CCDC88C: variants seen among roughly 807,000 people sequenced by gnomAD.
CCDC88C encodes the protein coiled-coil and HOOK domain protein 88C, also known as protein Daple.
CCDC88C carries 131 observed loss-of-function variants against 198.8 expected under a neutral mutation model. The observed-to-expected ratio is 0.66, with a 90% CI of 0.57 to 0.76. CCDC88C has a LOEUF of 0.76. Ranked by LOEUF, CCDC88C falls within the 30% of genes least tolerant of loss-of-function variation. CCDC88C has a pLI of 0.00. For missense variants in CCDC88C, 2,553 were observed against 2,631.6 expected (o/e 0.97, Z 0.65); for synonymous variants, 1,166 against 1,114.7 (o/e 1.05, Z -0.92).
chr14:91,278,569 C>T (rs1036430680), intron 28 of CCDC88C, among the ~76,000 whole-genome samples: 2 of 152,208 alleles, frequency 1.3e-5, no homozygotes, highest in Non-Finnish European at 2.9e-5. Context: ...AGAAAGACCA[C>T]ATTCTGTCCC....
intron 3 of CCDC88C, among the ~76,000 whole-genome samples, chr14:91,376,924 A>T (rs1259965926): frequency 6.6e-6 from 1 of 152,218 alleles, no homozygotes; most frequent in Non-Finnish European, 1.5e-5. Flanking sequence ...GCCCCAGGAC[A>T]TCGTGAAGAA....
Position 91,278,174 on chromosome 14 carries a change from G to A in CCDC88C, c.4806C>T (p.Phe1602=). The A allele has an allele frequency of 1.2e-6, 2 of 1,611,190 alleles. No homozygotes were observed. The highest frequency in any genetic ancestry group is 1.7e-6 in the Non-Finnish European group (2 of 1,178,442). ...SEQLHGRSES[F]SSEDLIPSRD... Reference sequence around the variant, plus strand: ...TGCTGGGGATCAGGTCTTCGCTGCTGAAGCTCTCAGACCGGCCATGGAGCT... The same window carrying A: ...TGCTGGGGATCAGGTCTTCGCTGCTAAAGCTCTCAGACCGGCCATGGAGCT... Residue 1602 remains phenylalanine, a synonymous_variant, in exon 29 of 30, where the codon TTC becomes TTT. Coordinates refer to ENST00000389857, the MANE Select transcript of CCDC88C (RefSeq NM_001080414.4).
At chr14:91,314,282 G>T (rs576307397) in intron 14 of CCDC88C, 132 bp from the exon 15 acceptor site, 4 of 692,632 alleles carry the variant, frequency 5.8e-6, no homozygotes, top group Admixed American at 5.4e-5. Flanking sequence ...CTGCCTGTGC[G>T]TTCCCCAGAG....
At chr14:91,281,955 C>G (rs1431531281) in intron 26 of CCDC88C, among the ~76,000 whole-genome samples, 1 of 152,156 alleles carries the variant, frequency 6.6e-6, no homozygotes. Context: ...GAATCTACTC[C>G]TTGAGGGGAG....
intron 26 of CCDC88C, among the ~76,000 whole-genome samples, chr14:91,282,919 A>G (rs1415480728): frequency 6.6e-6 from 1 of 152,228 alleles, no homozygotes; most frequent in African/African-American, 2.4e-5. Context: ...AAATACACAT[A>G]CACACACTAA....
chr14:91,329,643 C>G (rs538811047), intron 10 of CCDC88C, among the ~76,000 whole-genome samples: 1 of 152,356 alleles, frequency 6.6e-6, no homozygotes, highest in East Asian at 1.9e-4. Flanking sequence ...CCCAGGTCCC[C>G]CTGCTTAGCA....
At position 91,307,197 on chromosome 14, in the gene CCDC88C, C is replaced by T. The variant is rs1221028008; in HGVS notation, c.3036G>A (p.Gln1012=). Residue 1012 remains glutamine, a synonymous_variant, in exon 18 of 30, where the codon CAG becomes CAA. Coordinates refer to ENST00000389857, the MANE Select transcript of CCDC88C (RefSeq NM_001080414.4). ...GCAAGTGCTGCCCCTCTCCCTGGTT[C>T]TGCCTGAGGGTCTCACACTCCTTCT... The part of the protein sequence containing the change: ...MLKKECETLR[Q]NQGEGQHLQN... 6.2e-7 allele frequency: 1 copy of T among 1,613,710 alleles called. No individual in the cohort carries two copies. The highest frequency in any genetic ancestry group is 1.3e-5 in the African/African-American group (1 of 74,924).
chr14:91,277,982 G>T lies in CCDC88C; in HGVS notation c.4998C>A (p.Ser1666Arg), dbSNP rs1890033899. The change falls in exon 29 of 30, where the codon AGC becomes AGA. Residue 1666 changes from serine (S) to arginine (R), a missense_variant. By Grantham distance (110) the Ser-to-Arg change is moderately radical. Around this residue, in one of 2 missense-constraint regions of CCDC88C, gnomAD observed 1,293 missense variants for 1,219.6 expected, o/e 1.06. Transcript: ENST00000389857. The part of the protein sequence containing the change: ...VGVRPCSASP[S>R]SEMVTLEEFL... Reference sequence around the variant, plus strand: ...ACTCCTCCAAGGTGACCATCTCACTGCTGGGGGAGGCCGAGCAGGGCCGCA... The same window carrying T: ...ACTCCTCCAAGGTGACCATCTCACTTCTGGGGGAGGCCGAGCAGGGCCGCA... 5 of 1,563,146 alleles carry T rather than the reference G, an allele frequency of 3.2e-6. No homozygotes were observed. In the East Asian group the frequency reaches 9.5e-5, roughly 30 times the overall value.
At chr14:91,375,638 T>C (rs1387461395) in intron 3 of CCDC88C, among the ~76,000 whole-genome samples, 3 of 151,960 alleles carry the variant, frequency 2.0e-5, no homozygotes, top group African/African-American at 7.3e-5. Flanking sequence ...TTCAGGCAAA[T>C]AAAAGCACCC....
At chr14:91,280,532 C>T (rs1475826382) in intron 27 of CCDC88C, among the ~76,000 whole-genome samples, 1 of 152,160 alleles carries the variant, frequency 6.6e-6, no homozygotes, top group Non-Finnish European at 1.5e-5. Context: ...ACCGTGATAG[C>T]GATCAACGGC....
rs542960989 is a variant in CCDC88C, at chr14:91,330,252, G to A, written c.1051-4196C>T. Among the ~76,000 whole-genome samples, 8 of 152,386 alleles carry A rather than the reference G, an allele frequency of 5.2e-5. No individual in the cohort carries two copies. The South Asian group carries it at 1.4e-3, about 28-fold the overall frequency. Reference sequence around the variant, plus strand: ...AGCAGGAGGCTGGGAGACGCAGCCCGCACAGTTCAGCGCCCCACCCCTGAC... The same window carrying A: ...AGCAGGAGGCTGGGAGACGCAGCCCACACAGTTCAGCGCCCCACCCCTGAC... On this transcript the variant is annotated intron_variant, in intron 10 of 29. Transcript: ENST00000389857.
At chr14:91,305,040 G>A (rs1457676979) in intron 19 of CCDC88C, among the ~76,000 whole-genome samples, 1 of 152,052 alleles carries the variant, frequency 6.6e-6, no homozygotes, top group African/African-American at 2.4e-5. Flanking sequence ...TCAGGAGTTC[G>A]AGACCAGCCT....
chr14:91,330,138 A>G (rs1409042753), intron 10 of CCDC88C, among the ~76,000 whole-genome samples: 1 of 152,222 alleles, frequency 6.6e-6, no homozygotes, highest in Non-Finnish European at 1.5e-5. Flanking sequence ...CCTGTGTTCA[A>G]AGAGCTCCCA....
intron 3 of CCDC88C, chr14:91,384,479 T>C (rs1885004177): frequency 3.8e-6 from 2 of 525,412 alleles, no homozygotes; most frequent in Non-Finnish European, 7.7e-6. Context: ...TCTGGATCAT[T>C]TTCCTCATCT....
chr14:91,338,678 G>A lies in CCDC88C; in HGVS notation c.810-108C>T, dbSNP rs539193137. The A allele has an allele frequency of 8.3e-5, 67 of 808,788 alleles. No individual in the cohort carries two copies. In the East Asian group the frequency reaches 1.7e-3, roughly 21 times the overall value. 50.1% of individuals were successfully genotyped at this position (808,788 alleles called of 1,614,324 possible). A position where few individuals can be genotyped will look rare whatever the true frequency, so the allele number is the denominator to read the frequency against. On this transcript the variant is annotated intron_variant, in intron 8 of 29. Coordinates refer to ENST00000389857, the MANE Select transcript of CCDC88C (RefSeq NM_001080414.4). This position sits in a 1 kb window ranked among gnomAD's most constrained non-coding sequence, Gnocchi z 4.8. The stretch of plus-strand genomic sequence containing the variant: ...CCTGTGGGAAAAGGAAAGGACTCGG[G>A]ATTTGGGCGGTGGGGAGGCGATCTG...
At chr14:91,384,328 C>T (rs952915739) in intron 3 of CCDC88C, 8 of 273,896 alleles carry the variant, frequency 2.9e-5, no homozygotes, top group Non-Finnish European at 5.0e-5. Flanking sequence ...AAAACAAAAA[C>T]AAGCAAACAA....
intron 3 of CCDC88C, among the ~76,000 whole-genome samples, chr14:91,372,276 T>A (rs1894840990): frequency 6.6e-6 from 1 of 151,516 alleles, no homozygotes. Context: ...GCCTGTGGGA[T>A]GGGGGACAGT....
Position 91,362,603 on chromosome 14 carries a change from C to T in CCDC88C, c.271-2892G>A, listed in dbSNP as rs377181841. ...TGTCTAATCAGTACTTTCTAGTTTT[C>T]CCACAAGAAACATGTGTCATTTGTG... is the stretch of plus-strand genomic sequence containing the variant. On this transcript the variant is annotated intron_variant, in intron 3 of 29. Transcript: ENST00000389857. Among the ~76,000 whole-genome samples the T allele has an allele frequency of 2.3e-3, 357 of 152,290 alleles. 3 individuals are homozygous for T. Among genetic ancestry groups the T allele is most frequent in the African/African-American group, 7.6e-3 (317 of 41,560 alleles).
At chr14:91,281,316 G>C in intron 27 of CCDC88C, 141 bp downstream of exon 27, 1 of 1,533,474 alleles carries the variant, frequency 6.5e-7, no homozygotes, top group Non-Finnish European at 8.8e-7. Flanking sequence ...CCCCTGGGGA[G>C]GGGAAGGAAG....
Sources: gnomAD v4.1 joint callset for allele counts (sites outside exome capture counted in the v4.1 genomes callset) on GRCh38, gnomAD v4.1.1 for gene constraint, gnomAD v4.1.1 regional missense constraint, Gnocchi (gnomAD v3.1) non-coding constraint, MANE v1.5 for transcripts, NCBI Gene and HGNC (gene_info 2026-07-23, HGNC 2026-07-21) for gene names.